Variants in DIS3L2 observed in about 807,000 individuals in gnomAD.
DIS3L2 encodes the protein DIS3 like 3'-5' exoribonuclease 2.
A neutral mutation model predicts 97.5 loss-of-function variants in DIS3L2; 34 were observed. The observed-to-expected ratio is 0.35, with a 90% confidence interval of 0.27 to 0.46. The LOEUF is 0.46. DIS3L2 is among the 20% of genes least tolerant of loss of function. The probability of loss-of-function intolerance (pLI) is 1.00; values close to 1 mark genes in which losing one functional copy is unlikely to be tolerated. For synonymous variants in DIS3L2, 435 were observed against 445.2 expected (o/e 0.98, Z 0.29); for missense variants, 1,038 against 1,146.0 (o/e 0.91, Z 1.36).
downstream of DIS3L2, among the ~76,000 whole-genome samples, chr2:232,340,101 C>G (rs113528869): frequency 6.6e-6 from 1 of 152,168 alleles, no homozygotes; most frequent in South Asian, 2.1e-4. Context: ...GAGTAGCGCG[C>G]TCCTGCTGTC....
chr2:232,342,162 T>C (rs1011118903), downstream of DIS3L2, among the ~76,000 whole-genome samples: 2 of 151,998 alleles, frequency 1.3e-5, no homozygotes, highest in Non-Finnish European at 2.9e-5. Context: ...CATATACATA[T>C]ACACATACAC....
chr2:232,039,009 G>A (rs2106250226), intron 5 of DIS3L2, among the ~76,000 whole-genome samples: 2 of 152,320 alleles, frequency 1.3e-5, no homozygotes, highest in Admixed American at 1.3e-4. Context: ...GAAGCTTTCA[G>A]AAGATTTGAA....
chr2:232,124,832 T>C (rs1464191719), intron 6 of DIS3L2, among the ~76,000 whole-genome samples: 1 of 152,122 alleles, frequency 6.6e-6, no homozygotes, highest in Non-Finnish European at 1.5e-5. Context: ...GAAAAAAAAG[T>C]TTGTCTTCAA....
At chr2:232,090,365 T>TG (rs755957348) in intron 6 of DIS3L2, among the ~76,000 whole-genome samples, 1 of 152,230 alleles carries the variant, frequency 6.6e-6, no homozygotes, top group Non-Finnish European at 1.5e-5. Context: ...TAGCCCTGAC[T>TG]GAGGGAACAA....
intron 14 of DIS3L2, among the ~76,000 whole-genome samples, chr2:232,312,495 T>A (rs1442806995): frequency 6.6e-6 from 1 of 152,234 alleles, no homozygotes; most frequent in Non-Finnish European, 1.5e-5. Flanking sequence ...ACTACCTTCA[T>A]GTTTGTATAA....
At chr2:232,267,480 C>G (rs763518660) in intron 13 of DIS3L2, among the ~76,000 whole-genome samples, 1 of 152,256 alleles carries the variant, frequency 6.6e-6, no homozygotes, top group Non-Finnish European at 1.5e-5. Context: ...TCTTCTATCT[C>G]CATGTTTTCT....
At chr2:232,336,184 G>T in intron 20 of DIS3L2, 1 of 1,533,556 alleles carries the variant, frequency 6.5e-7, no homozygotes, top group South Asian at 1.2e-5. Context: ...TTACACCCAA[G>T]AAATTGTCTG....
intron 10 of DIS3L2, among the ~76,000 whole-genome samples, chr2:232,234,251 G>A (rs145757582): frequency 5.2e-4 from 79 of 152,356 alleles, no homozygotes; most frequent in African/African-American, 1.7e-3. Flanking sequence ...TGTGCAAAAC[G>A]ATATGCATAG....
At chr2:232,221,909 T>G (rs1692518094) in intron 10 of DIS3L2, among the ~76,000 whole-genome samples, 2 of 151,382 alleles carry the variant, frequency 1.3e-5, no homozygotes, top group South Asian at 4.2e-4. Context: ...ATGCTGTTAC[T>G]CCTATGTTCC....
intron 13 of DIS3L2, among the ~76,000 whole-genome samples, chr2:232,289,249 GTT>G (rs1031812345): frequency 7.0e-6 from 1 of 142,462 alleles, no homozygotes; most frequent in Non-Finnish European, 1.5e-5. Context: ...TTTGTTTTTT[GTT>G]TTTTTTTTTT....
At chr2:232,212,110 A>G (rs985669541) in intron 10 of DIS3L2, among the ~76,000 whole-genome samples, 3 of 152,244 alleles carry the variant, frequency 2.0e-5, no homozygotes, top group African/African-American at 7.2e-5. Flanking sequence ...TTTAAAATCC[A>G]AAATTGAAGC....
chr2:232,118,370 C>T (rs1435350036), intron 6 of DIS3L2, among the ~76,000 whole-genome samples: 1 of 152,196 alleles, frequency 6.6e-6, no homozygotes, highest in African/African-American at 2.4e-5. Context: ...CAGATGGTTC[C>T]TCTATCAGCC....
chr2:232,147,895 T>C (rs753628734), intron 8 of DIS3L2, among the ~76,000 whole-genome samples: 25 of 152,188 alleles, frequency 1.6e-4, no homozygotes, highest in Non-Finnish European at 3.5e-4. Context: ...GAAGAGTTCA[T>C]GACTAAGTAG....
At chr2:232,258,436 G>C (rs1176127799) in intron 12 of DIS3L2, among the ~76,000 whole-genome samples, 1 of 151,790 alleles carries the variant, frequency 6.6e-6, no homozygotes, top group Non-Finnish European at 1.5e-5. Flanking sequence ...TACAGAAAAT[G>C]AGCCGGGCAT....
chr2:232,050,310 C>T lies in DIS3L2; in HGVS notation c.366+20230C>T, dbSNP rs552647302. 5.3e-5 allele frequency among the ~76,000 whole-genome samples: 8 copies of T among 152,250 alleles called. No homozygotes were observed. The East Asian group carries it at 7.7e-4, about 15-fold the overall frequency. ...TTTTTGAGACGGAGTCTCGCTCTGT[C>T]GCCCAGGCTGTAGTGCAATGGCGTG... On this transcript the variant is annotated intron_variant, in intron 5 of 20. Transcript: ENST00000325385.
At chr2:232,272,065 C>G (rs1055356522) in intron 13 of DIS3L2, among the ~76,000 whole-genome samples, 6 of 152,234 alleles carry the variant, frequency 3.9e-5, no homozygotes, top group African/African-American at 1.4e-4. Flanking sequence ...GCATCAGATT[C>G]ATTCTGTTGA....
chr2:232,317,794 C>T (rs558079213), intron 14 of DIS3L2, among the ~76,000 whole-genome samples: 1 of 152,286 alleles, frequency 6.6e-6, no homozygotes, highest in South Asian at 2.1e-4. Flanking sequence ...AATTAATTGT[C>T]TCCTTAATTC....
chr2:232,300,429 G>A (rs144792726), intron 14 of DIS3L2, among the ~76,000 whole-genome samples: 24 of 152,212 alleles, frequency 1.6e-4, no homozygotes, highest in Non-Finnish European at 3.4e-4. Context: ...TCATGTGCCT[G>A]CTTGTTTGGT....
At chr2:231,992,288 G>A (rs1283992493) in intron 1 of DIS3L2, among the ~76,000 whole-genome samples, 1 of 152,088 alleles carries the variant, frequency 6.6e-6, no homozygotes, top group East Asian at 1.9e-4. Flanking sequence ...GGAGTAGAGG[G>A]TGAGTGAACT....
Sources: gnomAD v4.1 joint callset for allele counts (sites outside exome capture counted in the v4.1 genomes callset) on GRCh38, gnomAD v4.1.1 for gene constraint, MANE v1.5 for transcripts, NCBI Gene and HGNC (gene_info 2026-07-23, HGNC 2026-07-21) for gene names.